DOCK9: variants seen among roughly 807,000 people sequenced by gnomAD.
DOCK9 encodes dedicator of cytokinesis 9.
Under a neutral mutation model 263.3 loss-of-function variants are expected in DOCK9, and 89 were observed. The observed-to-expected ratio is 0.34, with a 90% CI of 0.28 to 0.40. The LOEUF is 0.40. DOCK9 is among the 10% of genes least tolerant of loss of function. DOCK9 has a pLI of 1.00. For missense variants in DOCK9, 2,140 were observed against 2,603.4 expected (o/e 0.82, Z 3.87); for synonymous variants, 976 against 973.1 (o/e 1.00, Z -0.06).
At chr13:98,884,201 A>C (rs1333691296) in intron 21 of DOCK9, among the ~76,000 whole-genome samples, 1 of 152,212 alleles carries the variant, frequency 6.6e-6, no homozygotes, top group African/African-American at 2.4e-5. Flanking sequence ...TCTGAACCCA[A>C]CTTGAGCTCA....
At chr13:99,006,918 C>T (rs1327096350) in intron 1 of DOCK9, among the ~76,000 whole-genome samples, 2 of 151,726 alleles carry the variant, frequency 1.3e-5, no homozygotes, top group African/African-American at 4.8e-5. Flanking sequence ...AGGTGAAAAC[C>T]CGTCTCTATA....
intron 33 of DOCK9, 139 bp from the exon 34 acceptor site, chr13:98,856,170 C>A: frequency 1.2e-6 from 1 of 808,814 alleles, no homozygotes; most frequent in East Asian, 2.7e-5. Context: ...CATTCCATTA[C>A]TTCACCTTTA....
At chr13:98,860,905 T>C (rs1481355126) in intron 32 of DOCK9, among the ~76,000 whole-genome samples, 1 of 152,264 alleles carries the variant, frequency 6.6e-6, no homozygotes, top group Non-Finnish European at 1.5e-5. Flanking sequence ...ACTGGAATGC[T>C]GGCTTTTATC....
intron 1 of DOCK9, among the ~76,000 whole-genome samples, chr13:99,000,489 C>T (rs545806731): frequency 3.9e-5 from 6 of 152,282 alleles, no homozygotes; most frequent in African/African-American, 1.4e-4. Flanking sequence ...TGGCAAGATA[C>T]AGCACGGTAG....
intron 2 of DOCK9, among the ~76,000 whole-genome samples, chr13:98,953,407 G>A (rs1236539536): frequency 2.0e-5 from 3 of 152,194 alleles, no homozygotes; most frequent in Non-Finnish European, 4.4e-5. Context: ...AGTTTAAACT[G>A]TCTGATTCTG....
At chr13:99,066,849 A>C (rs2041441512) in intron 1 of DOCK9, among the ~76,000 whole-genome samples, 1 of 152,158 alleles carries the variant, frequency 6.6e-6, no homozygotes, top group African/African-American at 2.4e-5. Flanking sequence ...TTCTCACTGC[A>C]TGTATCTCAT....
At chr13:98,864,714 G>A (rs1566767559) in intron 30 of DOCK9, among the ~76,000 whole-genome samples, 1 of 152,188 alleles carries the variant, frequency 6.6e-6, no homozygotes, top group Non-Finnish European at 1.5e-5. Flanking sequence ...ACATGGTCTG[G>A]ATGTGTGTCC....
intron 1 of DOCK9, among the ~76,000 whole-genome samples, chr13:99,047,176 T>C (rs540986551): frequency 2.0e-5 from 3 of 152,310 alleles, no homozygotes; most frequent in Admixed American, 2.0e-4. Flanking sequence ...ATGTGCTAAT[T>C]GAAATACACG....
intron 1 of DOCK9, among the ~76,000 whole-genome samples, chr13:99,050,812 T>TGTC (rs1251483929): frequency 6.6e-6 from 1 of 152,202 alleles, no homozygotes; most frequent in Non-Finnish European, 1.5e-5. Flanking sequence ...CACTTTAATG[T>TGTC]GTCGTTGCTC....
At chr13:98,851,535 C>G (rs907541133) in intron 35 of DOCK9, among the ~76,000 whole-genome samples, 3 of 152,208 alleles carry the variant, frequency 2.0e-5, no homozygotes, top group Non-Finnish European at 4.4e-5. Context: ...CTGCCATTCA[C>G]TGCTCTGGGC....
chr13:98,863,153 G>A (rs575505417), intron 31 of DOCK9, 21 bp from the exon 32 acceptor site: 18 of 1,584,310 alleles, frequency 1.1e-5, no homozygotes, highest in Middle Eastern at 1.9e-4. Flanking sequence ...GACACACATG[G>A]TAAGTTTGAC....
rs563299866 is a variant in DOCK9, at chr13:99,031,122, T to TAA, written c.129+55100_129+55101insTT. ...TTACTTTCTGTAATTGATGTTTTTT[T>TAA]TAAAAAAAAGTATCCTTATCACTTT... On this transcript the variant is annotated intron_variant, in intron 1 of 32. Coordinates refer to the DOCK9 transcript ENST00000427887. 9.4e-3 allele frequency among the ~76,000 whole-genome samples: 1,089 copies of TAA among 116,428 alleles called. 12 individuals are homozygous for TAA. Among genetic ancestry groups the TAA allele is most frequent in the African/African-American group, 0.031 (1,050 of 33,476 alleles). The allele number at this position is 116,428 out of a possible 152,430, so 76.4% of individuals were successfully genotyped here. A position where few individuals can be genotyped will look rare whatever the true frequency, so the allele number is the denominator to read the frequency against.
intron 33 of DOCK9, chr13:98,857,229 C>A (rs564325221): frequency 2.4e-4 from 36 of 152,360 alleles, no homozygotes; most frequent in African/African-American, 8.2e-4. Flanking sequence ...CAGACGCAAG[C>A]TGAAGATGCC....
At chr13:99,068,310 G>A (rs934299799) in intron 1 of DOCK9, among the ~76,000 whole-genome samples, 11 of 152,320 alleles carry the variant, frequency 7.2e-5, no homozygotes, top group Middle Eastern at 3.4e-3. Flanking sequence ...CTGGCCGGGC[G>A]CAGTGGCTCA....
At chr13:99,017,705 A>G (rs1885597416) in intron 1 of DOCK9, among the ~76,000 whole-genome samples, 1 of 152,234 alleles carries the variant, frequency 6.6e-6, no homozygotes, top group Non-Finnish European at 1.5e-5. Flanking sequence ...CTCGGGCCAC[A>G]CATAAAATAT....
chr13:99,043,722 C>A (rs572745321), intron 1 of DOCK9, among the ~76,000 whole-genome samples: 1 of 152,252 alleles, frequency 6.6e-6, no homozygotes, highest in South Asian at 2.1e-4. Flanking sequence ...AAAGTAATTG[C>A]TAATAATGAA....
intron 1 of DOCK9, among the ~76,000 whole-genome samples, chr13:99,028,441 A>C (rs888893989): frequency 6.6e-6 from 1 of 152,214 alleles, no homozygotes; most frequent in African/African-American, 2.4e-5. Context: ...AAACCTAATC[A>C]GTTGAAGTCC....
chr13:98,872,870 A>G (rs2094223747), intron 27 of DOCK9, among the ~76,000 whole-genome samples: 2 of 152,154 alleles, frequency 1.3e-5, no homozygotes, highest in South Asian at 2.1e-4. Flanking sequence ...CCCCACCACT[A>G]TGCTGTGGAA....
At chr13:99,084,257 C>G (rs1486133831) in intron 1 of DOCK9, among the ~76,000 whole-genome samples, 1 of 152,202 alleles carries the variant, frequency 6.6e-6, no homozygotes, top group Non-Finnish European at 1.5e-5. Context: ...TTTTCAGTAT[C>G]TGTAAGCCCT....
Sources: allele counts gnomAD v4.1 joint callset (sites outside exome capture counted in the v4.1 genomes callset), GRCh38; gene constraint gnomAD v4.1.1; transcripts MANE v1.5; gene names NCBI Gene and HGNC (gene_info 2026-07-23, HGNC 2026-07-21).